PATJ: variants seen among roughly 807,000 people sequenced by gnomAD.
The protein encoded by PATJ is PATJ crumbs cell polarity complex component.
In PATJ, 190 loss-of-function variants were observed where a neutral mutation model predicts 224.9. That is an observed-to-expected ratio of 0.84 (90% confidence interval 0.75 to 0.95). The LOEUF (loss-of-function observed/expected upper bound fraction) is 0.95, where lower values mean the gene tolerates loss of function less well. Ranked by LOEUF, PATJ falls within the 40% of genes least tolerant of loss-of-function variation. The pLI is 0.00. For synonymous variants in PATJ, 769 were observed against 820.3 expected (o/e 0.94, Z 1.07); for missense variants, 2,121 against 2,270.3 (o/e 0.93, Z 1.34).
At chr1:61,753,115 A>G (rs757104821) in intron 1 of PATJ, among the ~76,000 whole-genome samples, 7 of 152,252 alleles carry the variant, frequency 4.6e-5, no homozygotes, top group Non-Finnish European at 8.8e-5. Context: ...AGGAAACAAT[A>G]GAAACTTAAA....
chr1:61,933,846 C>T (rs1676403094), intron 27 of PATJ, among the ~76,000 whole-genome samples: 1 of 152,186 alleles, frequency 6.6e-6, no homozygotes, highest in African/African-American at 2.4e-5. Flanking sequence ...TGAAACTTCT[C>T]TTCTGTTTGT....
At chr1:61,868,158 A>G (rs182938262) in intron 20 of PATJ, among the ~76,000 whole-genome samples, 9 of 152,328 alleles carry the variant, frequency 5.9e-5, no homozygotes, top group Admixed American at 5.9e-4. Context: ...GACACACAAC[A>G]CACAATTTAC....
intron 27 of PATJ, among the ~76,000 whole-genome samples, chr1:61,965,302 T>C (rs1681968610): frequency 6.6e-6 from 1 of 152,042 alleles, no homozygotes; most frequent in African/African-American, 2.4e-5. Context: ...AGTTTCAGGA[T>C]TCAATGAAAA....
At chr1:61,917,637 G>T (rs61770465) in intron 26 of PATJ, among the ~76,000 whole-genome samples, 2,366 of 152,240 alleles carry the variant, frequency 0.016, 17 homozygotes, top group Non-Finnish European at 0.025. Flanking sequence ...CCATGGTCAT[G>T]AGTGAGATTT....
intron 27 of PATJ, chr1:61,952,121 T>C (rs1323378449): frequency 9.3e-6 from 4 of 431,108 alleles, no homozygotes; most frequent in Non-Finnish European, 1.7e-5. Context: ...TTCTCCGGCA[T>C]AGTTTTCCAG....
At chr1:62,105,530 C>A (rs959972271) in intron 33 of PATJ, among the ~76,000 whole-genome samples, 6 of 152,164 alleles carry the variant, frequency 3.9e-5, no homozygotes, top group African/African-American at 1.4e-4. Context: ...GGGATCACCG[C>A]AAGCCACTGA....
chr1:61,886,858 G>A (rs928135768), intron 22 of PATJ, among the ~76,000 whole-genome samples: 1 of 142,960 alleles, frequency 7.0e-6, no homozygotes, highest in Non-Finnish European at 1.6e-5. Context: ...GCATGCACCC[G>A]TAGTCCCAGC....
At chr1:61,780,530 TA>T (rs1177802266) in intron 7 of PATJ, among the ~76,000 whole-genome samples, 1 of 152,130 alleles carries the variant, frequency 6.6e-6, no homozygotes, top group Admixed American at 6.5e-5. Flanking sequence ...TAAGGATTCT[TA>T]AAAAAAATTT....
chr1:61,943,543 G>A (rs1274940917), intron 27 of PATJ, among the ~76,000 whole-genome samples: 1 of 152,190 alleles, frequency 6.6e-6, no homozygotes, highest in Non-Finnish European at 1.5e-5. Flanking sequence ...GGGGAGGGGT[G>A]TCCCCCATTG....
chr1:61,916,253 T>C (rs1219375290), intron 26 of PATJ, among the ~76,000 whole-genome samples: 1 of 152,150 alleles, frequency 6.6e-6, no homozygotes, highest in African/African-American at 2.4e-5. Context: ...GATAAACTTA[T>C]TAAACATTTC....
intron 26 of PATJ, among the ~76,000 whole-genome samples, chr1:61,921,271 A>G (rs1428911162): frequency 1.3e-5 from 2 of 152,194 alleles, no homozygotes; most frequent in African/African-American, 4.8e-5. Context: ...TTTTGCAAAA[A>G]GATGAGGAAA....
At chr1:61,957,725 G>C (rs2149408658) in intron 27 of PATJ, among the ~76,000 whole-genome samples, 1 of 152,292 alleles carries the variant, frequency 6.6e-6, no homozygotes, top group South Asian at 2.1e-4. Context: ...AACCAGAGTT[G>C]AATAATTGCA....
intron 31 of PATJ, among the ~76,000 whole-genome samples, chr1:62,062,910 C>T (rs1204910977): frequency 6.6e-6 from 1 of 152,008 alleles, no homozygotes; most frequent in African/African-American, 2.4e-5. Context: ...GGATATTAGA[C>T]CTTTGTTGGA....
Position 61,763,069 on chromosome 1 carries a change from G to A in PATJ, c.79G>A (p.Gly27Ser). The stretch of plus-strand genomic sequence containing the variant: ...CCTGAAAATGAAATTGCAGGAGAAG[G>A]GTGACACGTCGCAGAATGAGAAGTT... ...DRLKMKLQEKGDTSQNEKLSM... is the reference protein window; with the variant it reads ...DRLKMKLQEKSDTSQNEKLSM... The change falls in exon 3 of 44, where the codon GGT becomes AGT. Residue 27 changes from glycine (G) to serine (S), a missense_variant. Physicochemically the swap from Gly to Ser is moderately conservative, Grantham distance 56. Transcript: ENST00000642238. 1 of 1,611,610 alleles carries A rather than the reference G, an allele frequency of 6.2e-7. No homozygotes were observed. Among genetic ancestry groups the A allele is most frequent in the Non-Finnish European group, 8.5e-7 (1 of 1,178,514 alleles).
chr1:61,779,929 T>C (rs1343796830), intron 7 of PATJ, among the ~76,000 whole-genome samples: 1 of 151,504 alleles, frequency 6.6e-6, no homozygotes, highest in Non-Finnish European at 1.5e-5. Context: ...ACTCTCTTTT[T>C]AACAATCAGA....
intron 29 of PATJ, 121 bp from the exon 30 acceptor site, chr1:62,037,856 A>G: frequency 2.8e-6 from 1 of 351,638 alleles, no homozygotes. Context: ...TTATATATAT[A>G]TATTTAATTC....
intron 38 of PATJ, among the ~76,000 whole-genome samples, chr1:62,121,700 G>A (rs915052515): frequency 1.3e-5 from 2 of 151,948 alleles, no homozygotes; most frequent in African/African-American, 4.8e-5. Flanking sequence ...AACTGGCGGG[G>A]GTGGTGGAGG....
chr1:62,015,667 G>A (rs1291153315), intron 28 of PATJ, among the ~76,000 whole-genome samples: 2 of 151,930 alleles, frequency 1.3e-5, no homozygotes, highest in Admixed American at 1.3e-4. Context: ...CCAGTAGGTG[G>A]GACTACAGGT....
rs181929735 is a variant in PATJ at position 62,038,543 on chromosome 1, C to G, written c.4032+494C>G. On this transcript the variant is annotated intron_variant, in intron 30 of 43. Coordinates refer to ENST00000642238, the MANE Select transcript of PATJ (RefSeq NM_001350145.3). ...CCCCAGCTGAGGGGATATTCCTTCT[C>G]TTCTCGTTTTATATTAATTGAATTA... 229 of 159,906 alleles carry G rather than the reference C, an allele frequency of 1.4e-3. 1 individual carries two copies. The highest frequency in any genetic ancestry group is 2.5e-4 in the Non-Finnish European group (18 of 73,192). 9.9% of individuals were successfully genotyped at this position (159,906 alleles called of 1,614,324 possible). A position where few individuals can be genotyped will look rare whatever the true frequency, so the allele number is the denominator to read the frequency against.
Sources: gnomAD v4.1 joint callset for allele counts (sites outside exome capture counted in the v4.1 genomes callset) on GRCh38, gnomAD v4.1.1 for gene constraint, MANE v1.5 for transcripts, NCBI Gene and HGNC (gene_info 2026-07-23, HGNC 2026-07-21) for gene names.